The following PALM2AKAP2 variants were observed in gnomAD, a reference collection of about 807,000 sequenced individuals.
PALM2AKAP2 encodes PALM2-AKAP2 fusion protein.
PALM2AKAP2 carries 37 observed loss-of-function variants against 71.5 expected under a neutral mutation model. The observed-to-expected ratio is 0.52, with a 90% CI of 0.40 to 0.68. The LOEUF (loss-of-function observed/expected upper bound fraction) is 0.68. PALM2AKAP2 is among the 30% of genes least tolerant of loss of function. The pLI, the probability that PALM2AKAP2 is intolerant of heterozygous loss-of-function variation, is 0.00. For missense variants in PALM2AKAP2, 1,224 were observed against 1,191.8 expected, an observed-to-expected ratio of 1.03 and a Z score of -0.40; for synonymous variants, 468 against 478.8, an observed-to-expected ratio of 0.98 and a Z score of 0.29.
intron 1 of PALM2AKAP2, among the ~76,000 whole-genome samples, chr9:109,642,521 T>C (rs933586331): frequency 2.0e-5 from 3 of 148,736 alleles, no homozygotes; most frequent in African/African-American, 7.4e-5. Context: ...AACCTAATAC[T>C]ACAGTCTACA....
chr9:109,915,553 A>G (rs1402944004), intron 3 of PALM2AKAP2, among the ~76,000 whole-genome samples: 1 of 152,184 alleles, frequency 6.6e-6, no homozygotes, highest in African/African-American at 2.4e-5. Context: ...TCATCTCTGC[A>G]ACCCTGGACA....
rs567779762 is a variant in PALM2AKAP2 at position 110,139,384 on chromosome 9, G to A, written c.2569+845G>A. Among the ~76,000 whole-genome samples the A allele has an allele frequency of 2.1e-3, 321 of 152,320 alleles. 1 individual carries two copies. Among genetic ancestry groups the A allele is most frequent in the Admixed American group, 6.0e-3 (92 of 15,304 alleles). The stretch of plus-strand genomic sequence containing the variant: ...AGCTATGGAAAACGCTGCTCAAAGC[G>A]TGGTCCAAGCTAGTCCAGGAATCAT... On this transcript the variant is annotated intron_variant, in intron 2 of 3. Coordinates refer to ENST00000374525, the Ensembl canonical transcript of PALM2AKAP2.
intron 1 of PALM2AKAP2, among the ~76,000 whole-genome samples, chr9:109,700,905 G>A (rs930506704): frequency 4.6e-5 from 7 of 152,156 alleles, no homozygotes; most frequent in Non-Finnish European, 1.0e-4. Flanking sequence ...TCAAACATGA[G>A]TGTAGCTGGC....
At position 109,671,070 on chromosome 9, in the gene PALM2AKAP2, T is replaced by A. The variant is rs186237009; in HGVS notation, c.5+30204T>A. 1.1e-3 allele frequency among the ~76,000 whole-genome samples: 170 copies of A among 152,344 alleles called. 1 individual carries two copies. Among genetic ancestry groups the A allele is most frequent in the African/African-American group, 3.8e-3 (159 of 41,594 alleles). On this transcript the variant is annotated intron_variant, in intron 1 of 6. Transcript: ENST00000374531. ...CAGAAATTTCTCTGATTCTTTAGGT[T>A]GTCTGTTTACTTTGTTGATAGTTTC...
chr9:110,166,704 G>A (rs1836744290), intron 3 of PALM2AKAP2, among the ~76,000 whole-genome samples: 1 of 152,102 alleles, frequency 6.6e-6, no homozygotes, highest in South Asian at 2.1e-4. Context: ...GAGGAAAAGG[G>A]GAGGCTTCAC....
intron 1 of PALM2AKAP2, among the ~76,000 whole-genome samples, chr9:109,841,445 A>G (rs922194736): frequency 2.9e-5 from 4 of 138,364 alleles, no homozygotes; most frequent in Admixed American, 7.6e-5. Context: ...CAGCACACCA[A>G]CATGGCACAT....
exon 4 of PALM2AKAP2, chr9:110,171,508 T>C (rs1476767412): frequency 5.9e-5 from 9 of 152,234 alleles, no homozygotes; most frequent in Admixed American, 5.9e-4. Flanking sequence ...TACAGTTTAC[T>C]TGGGAGAGCC....
chr9:110,116,423 C>T (rs924975572), intron 1 of PALM2AKAP2, among the ~76,000 whole-genome samples: 7 of 151,926 alleles, frequency 4.6e-5, no homozygotes, highest in South Asian at 2.1e-4. Flanking sequence ...CGCGTGCACG[C>T]GCACCTTGTA....
intron 1 of PALM2AKAP2, among the ~76,000 whole-genome samples, chr9:109,647,469 A>C (rs955468886): frequency 6.6e-6 from 1 of 152,184 alleles, no homozygotes; most frequent in Non-Finnish European, 1.5e-5. Context: ...TAGAAATGAA[A>C]TTGCTGGGTG....
intron 1 of PALM2AKAP2, among the ~76,000 whole-genome samples, chr9:109,742,392 A>G (rs1828729440): frequency 6.6e-6 from 1 of 152,168 alleles, no homozygotes; most frequent in African/African-American, 2.4e-5. Context: ...GCCTCAGAAG[A>G]AGTGAGAGCC....
chr9:109,911,855 A>G (rs1830576728), intron 3 of PALM2AKAP2, among the ~76,000 whole-genome samples: 1 of 152,194 alleles, frequency 6.6e-6, no homozygotes, highest in Non-Finnish European at 1.5e-5. Flanking sequence ...GGGAGAAGGT[A>G]TAGATAGGGT....
intron 1 of PALM2AKAP2, among the ~76,000 whole-genome samples, chr9:110,096,932 A>ATTTC (rs1564302605): frequency 1.5e-5 from 1 of 68,806 alleles, no homozygotes; most frequent in East Asian, 2.6e-4. Flanking sequence ...TTTTCTTTTT[A>ATTTC]TTTATTTATT....
At chr9:109,980,822 A>G (rs1832255740) in intron 6 of PALM2AKAP2, among the ~76,000 whole-genome samples, 1 of 152,148 alleles carries the variant, frequency 6.6e-6, no homozygotes, top group Non-Finnish European at 1.5e-5. Flanking sequence ...ATCTATACCC[A>G]TCTCTAAAAT....
chr9:110,006,268 T>C (rs766208435), intron 6 of PALM2AKAP2, among the ~76,000 whole-genome samples: 3 of 151,402 alleles, frequency 2.0e-5, no homozygotes, highest in Non-Finnish European at 4.4e-5. Context: ...TTCCTTCCAT[T>C]TTCTCTCTCT....
chr9:110,032,930 T>C (rs1833313626), intron 7 of PALM2AKAP2, among the ~76,000 whole-genome samples: 1 of 151,874 alleles, frequency 6.6e-6, no homozygotes, highest in South Asian at 2.1e-4. Context: ...AAGGAGACCC[T>C]ATTTCTATTA....
At chr9:110,103,632 T>C (rs1835050653) in intron 1 of PALM2AKAP2, among the ~76,000 whole-genome samples, 1 of 152,244 alleles carries the variant, frequency 6.6e-6, no homozygotes, top group Non-Finnish European at 1.5e-5. Flanking sequence ...ACGTAGAGTA[T>C]GGCTGCTGCT....
chr9:109,653,094 C>A (rs992641800), intron 1 of PALM2AKAP2, among the ~76,000 whole-genome samples: 5 of 152,132 alleles, frequency 3.3e-5, no homozygotes, highest in African/African-American at 1.2e-4. Context: ...ACCGACTTAA[C>A]CTTCAACTCT....
intron 3 of PALM2AKAP2, among the ~76,000 whole-genome samples, chr9:109,907,554 G>A (rs1218551151): frequency 6.6e-6 from 1 of 152,200 alleles, no homozygotes; most frequent in Non-Finnish European, 1.5e-5. Flanking sequence ...CAGCTTCTGA[G>A]AGGAAGGGGT....
intron 6 of PALM2AKAP2, among the ~76,000 whole-genome samples, chr9:109,962,404 A>G (rs1174273454): frequency 6.6e-6 from 1 of 152,188 alleles, no homozygotes; most frequent in Non-Finnish European, 1.5e-5. Context: ...TTTTGTAAAT[A>G]AAGTTTTATT....
Sources: gnomAD v4.1 joint callset for allele counts (sites outside exome capture counted in the v4.1 genomes callset) on GRCh38, gnomAD v4.1.1 for gene constraint, MANE v1.5 for transcripts, NCBI Gene and HGNC (gene_info 2026-07-23, HGNC 2026-07-21) for gene names.